The following DOCK3 variants were observed in gnomAD, a reference collection of about 807,000 sequenced individuals.
The protein encoded by DOCK3 is dedicator of cytokinesis 3, also known as dedicator of cytokinesis protein 3.
A neutral mutation model predicts 265.6 loss-of-function variants in DOCK3; 60 were observed. That is an observed-to-expected ratio of 0.23 (90% CI 0.18 to 0.28). The LOEUF (loss-of-function observed/expected upper bound fraction) is 0.28. Among genes scored for constraint, DOCK3 ranks in the 10% least tolerant of loss-of-function variants. DOCK3 has a pLI of 1.00. For synonymous variants in DOCK3, 881 were observed against 938.0 expected, an observed-to-expected ratio of 0.94 and a Z score of 1.11; for missense variants, 1,981 against 2,594.3, an observed-to-expected ratio of 0.76 and a Z score of 5.14.
In DOCK3 at chr3:51,287,905, CTAGA is replaced by C. The variant is rs538752313; in HGVS notation, c.2922+7704_2922+7707del. On this transcript the variant is annotated intron_variant, in intron 27 of 52. Transcript: ENST00000266037. ...AACCTAAATGCCCATCAGTGGTAGACTAGATAAAGAAAGTGTGCTACATATACAC... is the reference window on the plus strand; with the variant it reads ...AACCTAAATGCCCATCAGTGGTAGACTAAAGAAAGTGTGCTACATATACAC... Among the ~76,000 whole-genome samples, 11 of 152,286 alleles carry C rather than the reference CTAGA, an allele frequency of 7.2e-5. No individual in the cohort carries two copies. In the South Asian group the frequency reaches 2.1e-3, roughly 29 times the overall value.
At position 50,850,832 on chromosome 3, in the gene DOCK3, G is replaced by C. The variant is rs148856091; in HGVS notation, c.162+9117G>C. On this transcript the variant is annotated intron_variant, in intron 3 of 52. Coordinates refer to ENST00000266037, the MANE Select transcript of DOCK3 (RefSeq NM_004947.5). ...GTACAGTTCAACCTACAAGCCAATA[G>C]ATGGCACTTATAGGTAAGAGCCACC... Among the ~76,000 whole-genome samples the C allele has an allele frequency of 1.6e-3, 241 of 152,310 alleles. 2 individuals carry two copies. Among genetic ancestry groups the C allele is most frequent in the African/African-American group, 5.5e-3 (227 of 41,552 alleles).
At chr3:51,134,653 C>T (rs1450795571) in intron 9 of DOCK3, among the ~76,000 whole-genome samples, 1 of 152,144 alleles carries the variant, frequency 6.6e-6, no homozygotes, top group Non-Finnish European at 1.5e-5. Flanking sequence ...AGATTTCTTT[C>T]ATGCAGCACC....
At chr3:51,156,496 T>A (rs2085858106) in intron 10 of DOCK3, among the ~76,000 whole-genome samples, 1 of 152,230 alleles carries the variant, frequency 6.6e-6, no homozygotes. Flanking sequence ...TGGTGCTTAG[T>A]CTTGAAGAAT....
At chr3:50,902,923 T>C (rs1175763507) in intron 4 of DOCK3, among the ~76,000 whole-genome samples, 1 of 152,234 alleles carries the variant, frequency 6.6e-6, no homozygotes, top group Non-Finnish European at 1.5e-5. Context: ...TATTTTATTC[T>C]CTTTGTAGCA....
In DOCK3 at chr3:51,214,103, A is replaced by C. The variant is rs1319320670; in HGVS notation, c.1127-19A>C. The C allele has an allele frequency of 6.2e-7, 1 of 1,613,532 alleles. No homozygotes were observed. The highest frequency in any genetic ancestry group is 8.5e-7 in the Non-Finnish European group (1 of 1,179,672). On this transcript the variant is annotated intron_variant, in intron 13 of 52. Coordinates refer to ENST00000266037, the MANE Select transcript of DOCK3 (RefSeq NM_004947.5). Reference sequence around the variant, plus strand: ...CAGGGTAGAACTGTGGTTCTAAGAAAATGCTTTTGTTTTTGCAGGTCTTAT... The same window carrying C: ...CAGGGTAGAACTGTGGTTCTAAGAACATGCTTTTGTTTTTGCAGGTCTTAT...
intron 5 of DOCK3, among the ~76,000 whole-genome samples, chr3:51,036,948 C>A (rs755408586): frequency 1.4e-4 from 21 of 152,154 alleles, no homozygotes; most frequent in Non-Finnish European, 2.1e-4. Flanking sequence ...TCCTCCTTGC[C>A]TTCTGCCATG....
rs958822143 is a variant in DOCK3, at chr3:50,889,090, T to C, written c.163-936T>C. 9.3e-5 allele frequency among the ~76,000 whole-genome samples: 14 copies of C among 151,180 alleles called. No individual in the cohort carries two copies. In the East Asian group the frequency reaches 2.3e-3, roughly 25 times the overall value. ...GGGTGTGTGTGTGTGTGTGTGTGTG[T>C]GTGTGTGTGTGTGTGTGTGTGTTTA... On this transcript the variant is annotated intron_variant, in intron 3 of 52. Transcript: ENST00000266037.
intron 3 of DOCK3, among the ~76,000 whole-genome samples, chr3:50,880,839 G>C (rs562799438): frequency 2.0e-5 from 3 of 152,126 alleles, no homozygotes; most frequent in Non-Finnish European, 4.4e-5. Flanking sequence ...GAGAATTTTA[G>C]ACCAATATCC....
chr3:50,861,128 CTT>C (rs1281274583), intron 3 of DOCK3, among the ~76,000 whole-genome samples: 1 of 152,120 alleles, frequency 6.6e-6, no homozygotes, highest in Non-Finnish European at 1.5e-5. Context: ...TCACTCACCA[CTT>C]TGCTGGGTGG....
In DOCK3 at chr3:51,277,892, T is replaced by C; in HGVS notation, c.2823+138T>C. 2.7e-6 allele frequency: 4 copies of C among 1,506,838 alleles called. No individual in the cohort carries two copies. The South Asian group carries it at 4.0e-5, about 15-fold the overall frequency. The allele number at this position is 1,506,838 out of a possible 1,614,324, so 93.3% of individuals were successfully genotyped here. On this transcript the variant is annotated intron_variant, in intron 26 of 52. Coordinates refer to ENST00000266037, the MANE Select transcript of DOCK3 (RefSeq NM_004947.5). ...CATGGTTGTCAGCATGCTGCCCTCT[T>C]CCCTTCTTGAGTCTGACTCTCCTCT...
At chr3:51,201,367 T>A (rs2088758841) in intron 12 of DOCK3, among the ~76,000 whole-genome samples, 1 of 150,958 alleles carries the variant, frequency 6.6e-6, no homozygotes, top group African/African-American at 2.4e-5. Context: ...AAGGAAGGGG[T>A]TGCAATCCTA....
At chr3:50,958,441 A>T (rs949815801) in intron 5 of DOCK3, among the ~76,000 whole-genome samples, 1 of 152,186 alleles carries the variant, frequency 6.6e-6, no homozygotes, top group African/African-American at 2.4e-5. Flanking sequence ...GCTCAAGGCC[A>T]ACATGTCTTT....
At chr3:51,037,718 A>G (rs1310127006) in intron 5 of DOCK3, among the ~76,000 whole-genome samples, 1 of 152,184 alleles carries the variant, frequency 6.6e-6, no homozygotes, top group African/African-American at 2.4e-5. Flanking sequence ...CATTAATCAA[A>G]TAGTTTTTGA....
chr3:50,804,231 A>C (rs1576483845), intron 2 of DOCK3, among the ~76,000 whole-genome samples: 1 of 145,938 alleles, frequency 6.9e-6, no homozygotes, highest in South Asian at 2.2e-4. Flanking sequence ...GGCGGCCGGG[A>C]AGAGGCGCTC....
intron 27 of DOCK3, among the ~76,000 whole-genome samples, chr3:51,307,095 T>G (rs1432599210): frequency 6.6e-6 from 1 of 152,204 alleles, no homozygotes; most frequent in Non-Finnish European, 1.5e-5. Flanking sequence ...CTTGTTTCTT[T>G]TTTTAGTGAC....
intron 1 of DOCK3, among the ~76,000 whole-genome samples, chr3:50,764,244 A>C (rs2040717708): frequency 6.6e-6 from 1 of 152,194 alleles, no homozygotes; most frequent in Non-Finnish European, 1.5e-5. Context: ...AATAAACAGA[A>C]ATAAATACTA....
At chr3:51,212,014 C>T (rs577005133) in intron 13 of DOCK3, among the ~76,000 whole-genome samples, 1 of 152,268 alleles carries the variant, frequency 6.6e-6, no homozygotes. Context: ...TGAAGGCTCT[C>T]TTGTGCTCAG....
At chr3:51,093,038 A>G (rs765538803) in intron 9 of DOCK3, among the ~76,000 whole-genome samples, 2 of 152,072 alleles carry the variant, frequency 1.3e-5, no homozygotes, top group Admixed American at 6.6e-5. Context: ...ATTGGCCTAT[A>G]TATCCGTTTT....
intron 35 of DOCK3, among the ~76,000 whole-genome samples, chr3:51,335,621 C>T (rs971649738): frequency 2.6e-5 from 4 of 152,208 alleles, no homozygotes; most frequent in Non-Finnish European, 2.9e-5. Flanking sequence ...GAGTGATAAA[C>T]TTGTTGGAAA....
Sources: allele counts gnomAD v4.1 joint callset (sites outside exome capture counted in the v4.1 genomes callset), GRCh38; gene constraint gnomAD v4.1.1; transcripts MANE v1.5; gene names NCBI Gene and HGNC (gene_info 2026-07-23, HGNC 2026-07-21).